The following PDE11A variants were observed in gnomAD, a reference collection of about 807,000 sequenced individuals.
PDE11A encodes phosphodiesterase 11A.
In PDE11A, 100 loss-of-function variants were observed where a neutral mutation model predicts 100.5. The observed-to-expected ratio is 1.00, with a 90% CI of 0.85 to 1.18. The LOEUF is 1.18. Among genes scored for constraint, PDE11A ranks in the 50% most tolerant of loss-of-function variants. The probability of loss-of-function intolerance (pLI) is 0.00; values close to 1 mark genes in which losing one functional copy is unlikely to be tolerated. For synonymous variants in PDE11A, 381 were observed against 420.8 expected (o/e 0.91, Z 1.16); for missense variants, 1,141 against 1,152.6 (o/e 0.99, Z 0.15).
intron 2 of PDE11A, among the ~76,000 whole-genome samples, chr2:178,102,917 C>T (rs2087576884): frequency 6.6e-6 from 1 of 151,882 alleles, no homozygotes; most frequent in Admixed American, 6.6e-5. Context: ...GATTGGTGTC[C>T]TTATGAATAT....
At chr2:177,972,041 AG>A (rs2105797789) in intron 2 of PDE11A, among the ~76,000 whole-genome samples, 1 of 152,324 alleles carries the variant, frequency 6.6e-6, no homozygotes, top group East Asian at 1.9e-4. Context: ...CTTAGATGAA[AG>A]TGATACCAGC....
chr2:177,753,858 T>C (rs376601481), intron 10 of PDE11A, among the ~76,000 whole-genome samples: 3 of 151,786 alleles, frequency 2.0e-5, no homozygotes, highest in South Asian at 2.1e-4. Context: ...TCACATTTTT[T>C]ACATTTGATT....
chr2:177,758,210 T>C (rs1291631672), intron 10 of PDE11A, among the ~76,000 whole-genome samples: 3 of 139,860 alleles, frequency 2.1e-5, no homozygotes, highest in Non-Finnish European at 3.0e-5. Flanking sequence ...GGCAGGAGAA[T>C]AGCATGAACC....
chr2:177,907,624 G>C (rs1045478047), intron 2 of PDE11A, among the ~76,000 whole-genome samples: 1 of 152,234 alleles, frequency 6.6e-6, no homozygotes, highest in Non-Finnish European at 1.5e-5. Flanking sequence ...ACACGTGGCA[G>C]AGAGAGGCAC....
chr2:177,697,480 G>T, intron 14 of PDE11A, 48 bp from the exon 15 acceptor site: 1 of 898,244 alleles, frequency 1.1e-6, no homozygotes. Context: ...ATCTGTGGTT[G>T]TTGATTACAT....
At chr2:177,689,378 G>A (rs774134813) in intron 15 of PDE11A, among the ~76,000 whole-genome samples, 4 of 152,110 alleles carry the variant, frequency 2.6e-5, no homozygotes, top group Non-Finnish European at 4.4e-5. Flanking sequence ...CACTGTCCCC[G>A]GCCTGTAACT....
chr2:178,073,574 G>A (rs2087166647), upstream of PDE11A, among the ~76,000 whole-genome samples: 1 of 152,062 alleles, frequency 6.6e-6, no homozygotes, highest in Admixed American at 6.5e-5. Flanking sequence ...GGTGAGTGGT[G>A]ATCAAGATTT....
At chr2:177,827,967 T>C (rs4413189) in intron 6 of PDE11A, among the ~76,000 whole-genome samples, 56,254 of 152,074 alleles carry the variant, frequency 0.37, 11,208 homozygotes, top group African/African-American at 0.51. Flanking sequence ...TCCCCAAAGA[T>C]ACAGCAAGGC....
chr2:177,903,591 G>A (rs1186117167), intron 3 of PDE11A, among the ~76,000 whole-genome samples: 2 of 152,182 alleles, frequency 1.3e-5, no homozygotes, highest in African/African-American at 4.8e-5. Context: ...CACTTAAGGA[G>A]TTCAAAATGT....
intron 19 of PDE11A, among the ~76,000 whole-genome samples, chr2:177,654,057 A>C: frequency 6.6e-6 from 1 of 152,366 alleles, no homozygotes; most frequent in South Asian, 2.1e-4. Flanking sequence ...TTTGAAAAAA[A>C]GAAATGCAAC....
intron 17 of PDE11A, among the ~76,000 whole-genome samples, chr2:177,674,065 T>C (rs1015646019): frequency 2.7e-4 from 41 of 152,298 alleles, no homozygotes; most frequent in African/African-American, 8.4e-4. Context: ...TACGCTTGCA[T>C]CATTTAAAAA....
intron 6 of PDE11A, among the ~76,000 whole-genome samples, chr2:177,831,312 A>T (rs1219212649): frequency 6.6e-6 from 1 of 152,224 alleles, no homozygotes; most frequent in East Asian, 1.9e-4. Flanking sequence ...CAAAAGGAAG[A>T]CCAACAGTTT....
intron 2 of PDE11A, among the ~76,000 whole-genome samples, chr2:177,973,146 G>C (rs78787233): frequency 1.3e-5 from 2 of 150,416 alleles, no homozygotes; most frequent in East Asian, 2.0e-4. Context: ...CGCAGAAGAC[G>C]GGTGATTTCT....
intron 19 of PDE11A, among the ~76,000 whole-genome samples, chr2:177,648,595 AC>A (rs60323329): frequency 0.066 from 10,086 of 152,166 alleles, 920 homozygotes; most frequent in African/African-American, 0.21. Flanking sequence ...AAATAAGAAT[AC>A]CTAGAAAATA....
intron 2 of PDE11A, among the ~76,000 whole-genome samples, chr2:177,911,410 A>G (rs1452242432): frequency 6.6e-6 from 1 of 152,188 alleles, no homozygotes; most frequent in Non-Finnish European, 1.5e-5. Context: ...TTTCTACACA[A>G]ATTCAATAAA....
At chr2:178,090,753 G>A (rs945003202) in intron 2 of PDE11A, among the ~76,000 whole-genome samples, 8 of 152,148 alleles carry the variant, frequency 5.3e-5, no homozygotes, top group Non-Finnish European at 8.8e-5. Context: ...CTCTGAAACT[G>A]GCAACATCCT....
chr2:178,025,628 G>A lies in PDE11A; in HGVS notation c.913-11168C>T, dbSNP rs189729050. Among the ~76,000 whole-genome samples, 26 of 152,176 alleles carry A rather than the reference G, an allele frequency of 1.7e-4. No homozygotes were observed. In the East Asian group the frequency reaches 3.9e-3, roughly 23 times the overall value. ...CACTTGAAACCAAAGCGCAACTGACGTAGTAAAAAAGAAAATGATGAATTC... is the reference window on the plus strand; with the variant it reads ...CACTTGAAACCAAAGCGCAACTGACATAGTAAAAAAGAAAATGATGAATTC... On this transcript the variant is annotated intron_variant, in intron 1 of 19. Coordinates refer to ENST00000286063, the MANE Select transcript of PDE11A (RefSeq NM_016953.4).
chr2:177,723,850 C>T (rs759202825), intron 12 of PDE11A, among the ~76,000 whole-genome samples: 1 of 152,096 alleles, frequency 6.6e-6, no homozygotes, highest in African/African-American at 2.4e-5. Flanking sequence ...TCTCTGCAAC[C>T]TTGGCACCAC....
At chr2:178,019,809 C>T (rs1490842174) in intron 1 of PDE11A, among the ~76,000 whole-genome samples, 1 of 152,108 alleles carries the variant, frequency 6.6e-6, no homozygotes, top group East Asian at 1.9e-4. Context: ...CAGATTTTAA[C>T]TTGAGAAACC....
Sources: gnomAD v4.1 joint callset for allele counts (sites outside exome capture counted in the v4.1 genomes callset) on GRCh38, gnomAD v4.1.1 for gene constraint, MANE v1.5 for transcripts, NCBI Gene and HGNC (gene_info 2026-07-23, HGNC 2026-07-21) for gene names.